The following RAB37 variants were observed in gnomAD, a reference collection of about 807,000 sequenced individuals.
RAB37 encodes ras-related protein Rab-37.
RAB37 carries 29 observed loss-of-function variants against 33.1 expected under a neutral mutation model. The ratio of observed to expected loss-of-function variants is 0.88; its 90% confidence interval spans 0.65 to 1.20. The LOEUF (loss-of-function observed/expected upper bound fraction) is 1.20. RAB37 is among the 50% of genes most tolerant of loss of function. The probability of loss-of-function intolerance (pLI) is 0.00; values close to 1 mark genes in which losing one functional copy is unlikely to be tolerated. For synonymous variants in RAB37, 128 were observed against 119.5 expected (o/e 1.07, Z -0.47); for missense variants, 299 against 301.1 (o/e 0.99, Z 0.05).
chr17:74,731,193 G>A (rs1351774680), intron 2 of RAB37, among the ~76,000 whole-genome samples: 2 of 152,250 alleles, frequency 1.3e-5, no homozygotes, highest in Non-Finnish European at 2.9e-5. Flanking sequence ...CAGGCTACAA[G>A]ACACTTGTTT....
At chr17:74,695,345 C>G in intron 1 of RAB37, 2 of 1,456,646 alleles carry the variant, frequency 1.4e-6, no homozygotes, top group Non-Finnish European at 9.4e-7. Flanking sequence ...GGGGATGGAC[C>G]ATTCAGGGCT....
At chr17:74,695,692 C>G in intron 1 of RAB37, 1 of 1,613,746 alleles carries the variant, frequency 6.2e-7, no homozygotes. Context: ...TCCCCCTGCC[C>G]CAGCCTCACA....
At chr17:74,740,098 G>A (rs995783030) in intron 1 of RAB37, among the ~76,000 whole-genome samples, 1 of 151,548 alleles carries the variant, frequency 6.6e-6, no homozygotes, top group African/African-American at 2.4e-5. Context: ...GGAGGTTGTG[G>A]TGAGCCAAGA....
intron 1 of RAB37, among the ~76,000 whole-genome samples, chr17:74,722,295 A>G (rs907758668): frequency 2.6e-5 from 4 of 152,024 alleles, no homozygotes; most frequent in East Asian, 3.9e-4. Context: ...AAAAAAAAAA[A>G]AAAAGAAAGA....
intron 3 of RAB37, 69 bp from the exon 4 acceptor site, chr17:74,743,060 C>T (rs1411567045): frequency 7.1e-7 from 1 of 1,412,294 alleles, no homozygotes; most frequent in Non-Finnish European, 9.9e-7. Context: ...ACAAAGCAGG[C>T]CTGCTCCACC....
chr17:74,744,822 C>A lies in RAB37; in HGVS notation c.433-51C>A. The A allele has an allele frequency of 6.2e-7, 1 of 1,608,324 alleles. No individual in the cohort carries two copies. The highest frequency in any genetic ancestry group is 8.5e-7 in the Non-Finnish European group (1 of 1,174,726). ...CCTGCTTCTGGGGCAAAATATGGGC[C>A]CGCTGGGGCGGAGGCCTCCTTCCCC... is the stretch of plus-strand genomic sequence containing the variant. On this transcript the variant is annotated intron_variant, in intron 6 of 8. Transcript: ENST00000392613. The surrounding 1 kb of genome is among the most constrained non-coding windows in gnomAD (Gnocchi z 4.2).
At chr17:74,681,226 C>G (rs1349312031) in intron 1 of RAB37, among the ~76,000 whole-genome samples, 3 of 152,200 alleles carry the variant, frequency 2.0e-5, no homozygotes, top group Non-Finnish European at 4.4e-5. Flanking sequence ...AAGCTGAGCC[C>G]TTGGGGACCA....
intron 1 of RAB37, among the ~76,000 whole-genome samples, chr17:74,716,853 G>A (rs1214105474): frequency 6.6e-6 from 1 of 152,228 alleles, no homozygotes; most frequent in Admixed American, 6.5e-5. Flanking sequence ...AAATTTCCTG[G>A]CCGGGTGCAG....
At chr17:74,704,824 A>G in intron 1 of RAB37, 2 of 1,603,778 alleles carry the variant, frequency 1.2e-6, no homozygotes, top group Non-Finnish European at 1.7e-6. Context: ...AGCCTGGAAA[A>G]CACAAATTCA....
At chr17:74,719,226 T>A (rs2034207226) in intron 1 of RAB37, among the ~76,000 whole-genome samples, 1 of 152,116 alleles carries the variant, frequency 6.6e-6, no homozygotes, top group Non-Finnish European at 1.5e-5. Context: ...GATGGGTGGA[T>A]TACTTGAGCC....
intron 1 of RAB37, chr17:74,712,890 T>A: frequency 6.2e-7 from 1 of 1,613,334 alleles, no homozygotes; most frequent in Non-Finnish European, 8.5e-7. Flanking sequence ...AGGTCCCCGT[T>A]CCCCTCAGTG....
intron 1 of RAB37, chr17:74,703,019 A>G: frequency 6.2e-7 from 1 of 1,604,846 alleles, no homozygotes; most frequent in Non-Finnish European, 8.5e-7. Context: ...CCACAGTGGA[A>G]CCAGAGCTGG....
At position 74,743,417 on chromosome 17, in the gene RAB37, C is replaced by T; in HGVS notation, c.366+77C>T. 5 of 1,464,424 alleles carry T rather than the reference C, an allele frequency of 3.4e-6. No individual in the cohort carries two copies. In the Middle Eastern group the frequency reaches 6.9e-4, roughly 202 times the overall value. The allele number at this position is 1,464,424 out of a possible 1,614,324, so 90.7% of individuals were successfully genotyped here. ...TATGCAGGCTGGGGTTGCTTCCTGC[C>T]CTGTGGAAAGCGGGTGGAGCGTGGA... On this transcript the variant is annotated intron_variant, in intron 5 of 8. Transcript: ENST00000392613.
Position 74,744,437 on chromosome 17 carries a change from AC to A in RAB37, c.432+66del, listed in dbSNP as rs778060802. The A allele has an allele frequency of 4.0e-6, 6 of 1,491,272 alleles. No individual in the cohort carries two copies. The East Asian group carries it at 1.1e-4, about 28-fold the overall frequency. The allele number at this position is 1,491,272 out of a possible 1,614,324, so 92.4% of individuals were successfully genotyped here. On this transcript the variant is annotated intron_variant, in intron 6 of 8. Transcript: ENST00000392613. The surrounding 1 kb of genome is among the most constrained non-coding windows in gnomAD (Gnocchi z 4.2). ...TTCCTCAGCCCTAGCCGGCCCCATAACCACCCAAGAACAGTTATCTAGGCAT... is the reference window on the plus strand; with the variant it reads ...TTCCTCAGCCCTAGCCGGCCCCATAACACCCAAGAACAGTTATCTAGGCAT...
chr17:74,716,844 A>G (rs892186766), intron 1 of RAB37, among the ~76,000 whole-genome samples: 1 of 152,212 alleles, frequency 6.6e-6, no homozygotes, highest in Non-Finnish European at 1.5e-5. Flanking sequence ...TTTTTAAACA[A>G]ATTTCCTGGC....
At chr17:74,684,548 GA>G (rs2032016352) in intron 1 of RAB37, among the ~76,000 whole-genome samples, 1 of 152,102 alleles carries the variant, frequency 6.6e-6, no homozygotes, top group Non-Finnish European at 1.5e-5. Flanking sequence ...AGCACTTTCG[GA>G]GGCCGAGGTA....
At chr17:74,690,606 G>T (rs35917420) in intron 1 of RAB37, among the ~76,000 whole-genome samples, 1 of 152,082 alleles carries the variant, frequency 6.6e-6, no homozygotes, top group African/African-American at 2.4e-5. Context: ...TGCCTCTTGC[G>T]TATATCTGCC....
chr17:74,728,177 T>G (rs1279194117), intron 1 of RAB37, among the ~76,000 whole-genome samples: 2 of 151,928 alleles, frequency 1.3e-5, no homozygotes, highest in Non-Finnish European at 2.9e-5. Context: ...TATGTCTGTG[T>G]ATATGCATGT....
chr17:74,706,300 T>C (rs1483142129), intron 1 of RAB37, among the ~76,000 whole-genome samples: 1 of 147,682 alleles, frequency 6.8e-6, no homozygotes, highest in Admixed American at 6.8e-5. Flanking sequence ...TATATATATA[T>C]CCCAAAGTGC....
Sources: gnomAD v4.1 joint callset for allele counts (sites outside exome capture counted in the v4.1 genomes callset) on GRCh38, gnomAD v4.1.1 for gene constraint, Gnocchi (gnomAD v3.1) non-coding constraint, MANE v1.5 for transcripts, NCBI Gene and HGNC (gene_info 2026-07-23, HGNC 2026-07-21) for gene names.